Variants in ST6GALNAC2 observed in about 807,000 individuals in gnomAD.
ST6GALNAC2 encodes the protein ST6 N-acetylgalactosaminide alpha-2,6-sialyltransferase 2, also known as alpha-N-acetylgalactosaminide alpha-2,6-sialyltransferase 2.
Under a neutral mutation model 38.7 loss-of-function variants are expected in ST6GALNAC2, and 42 were observed. The ratio of observed to expected loss-of-function variants is 1.09; its 90% CI spans 0.85 to 1.40. The LOEUF (loss-of-function observed/expected upper bound fraction) is 1.40, where lower values mean the gene tolerates loss of function less well. Ranked by LOEUF, ST6GALNAC2 falls within the 40% of genes most tolerant of loss-of-function variation. The pLI is 0.00. For missense variants in ST6GALNAC2, 506 were observed against 481.7 expected (o/e 1.05, Z -0.47); for synonymous variants, 233 against 209.0 (o/e 1.11, Z -0.99).
In ST6GALNAC2 at chr17:76,573,322, C is replaced by A. The variant is rs1329913333; in HGVS notation, c.403G>T (p.Ala135Ser). ...TLSLLNGSESAKLFAPPRDTP... is the reference protein window; with the variant it reads ...TLSLLNGSESSKLFAPPRDTP... ...TCCCTGGGCGGGGCAAACAGCTTGGCACTCTCTGAGCCGTTCAGAAGGCTC... is the reference window on the plus strand; with the variant it reads ...TCCCTGGGCGGGGCAAACAGCTTGGAACTCTCTGAGCCGTTCAGAAGGCTC... The change falls in exon 4 of 9, where the codon GCC (alanine) becomes TCC (serine). Residue 135 changes from alanine to serine, a missense_variant. Ala to Ser is a moderately conservative substitution (Grantham distance 99). Coordinates refer to ENST00000225276, the MANE Select transcript of ST6GALNAC2 (RefSeq NM_006456.3). This position sits in a 1 kb window ranked among gnomAD's most constrained non-coding sequence, Gnocchi z 5.1. The A allele has an allele frequency of 3.8e-6, 6 of 1,583,288 alleles. No homozygotes were observed. Among genetic ancestry groups the A allele is most frequent in the Non-Finnish European group, 5.2e-6 (6 of 1,164,436 alleles).
intron 1 of ST6GALNAC2, chr17:76,579,079 C>T: frequency 4.0e-6 from 1 of 251,578 alleles, no homozygotes; most frequent in South Asian, 6.5e-5. Context: ...GCCACCACAC[C>T]CAGCTAATTT....
chr17:76,570,403 G>A, intron 6 of ST6GALNAC2, 162 bp downstream of exon 6: 1 of 606,256 alleles, frequency 1.6e-6, no homozygotes, highest in Non-Finnish European at 3.0e-6. Flanking sequence ...TCCCAGTGCT[G>A]TTATGTGAAT....
At chr17:76,568,896 T>C (rs2075318521) in intron 6 of ST6GALNAC2, 100 bp from the exon 7 acceptor site, 2 of 1,149,232 alleles carry the variant, frequency 1.7e-6, no homozygotes, top group Admixed American at 3.6e-5. Context: ...CGCGGTACCC[T>C]GAGCGGTAGG....
intron 5 of ST6GALNAC2, chr17:76,571,172 C>T (rs930987070): frequency 6.5e-6 from 1 of 154,244 alleles, no homozygotes; most frequent in African/African-American, 2.4e-5. Context: ...CAAAACCTCC[C>T]ACTAAGCTCC....
intron 1 of ST6GALNAC2, among the ~76,000 whole-genome samples, chr17:76,579,210 C>T (rs1252420334): frequency 5.9e-5 from 9 of 152,222 alleles, no homozygotes; most frequent in African/African-American, 9.6e-5. Flanking sequence ...TAAGCCACTG[C>T]GCCCAGCTCT....
At chr17:76,582,109 C>T (rs1041606352) in intron 1 of ST6GALNAC2, among the ~76,000 whole-genome samples, 1 of 151,140 alleles carries the variant, frequency 6.6e-6, no homozygotes, top group African/African-American at 2.4e-5. Flanking sequence ...TTGTGATCCA[C>T]CCGCCTCGGC....
chr17:76,567,035 C>T (rs2075292754), intron 8 of ST6GALNAC2, among the ~76,000 whole-genome samples: 1 of 152,196 alleles, frequency 6.6e-6, no homozygotes, highest in South Asian at 2.1e-4. Flanking sequence ...GGAGGCTAAA[C>T]CTGCTGCCCT....
Position 76,573,159 on chromosome 17 carries a change from T to TGCCACCCC in ST6GALNAC2, c.530+35_530+36insGGGGTGGC. The stretch of plus-strand genomic sequence containing the variant: ...GACACCCCCACCCTCCAGGCAACTC[T>TGCCACCCC]CCCTCCCGCCCCTCCCCAGCTCCTA... On this transcript the variant is annotated intron_variant, in intron 4 of 8. Coordinates refer to ENST00000225276, the MANE Select transcript of ST6GALNAC2 (RefSeq NM_006456.3). The surrounding 1 kb of genome is among the most constrained non-coding windows in gnomAD (Gnocchi z 5.1). The TGCCACCCC allele has an allele frequency of 6.5e-7, 1 of 1,530,324 alleles. No homozygotes were observed. Among genetic ancestry groups the TGCCACCCC allele is most frequent in the Non-Finnish European group, 8.9e-7 (1 of 1,120,832 alleles). 94.8% of individuals were successfully genotyped at this position (1,530,324 alleles called of 1,614,324 possible).
At chr17:76,579,419 C>A (rs1165337771) in intron 1 of ST6GALNAC2, among the ~76,000 whole-genome samples, 1 of 152,214 alleles carries the variant, frequency 6.6e-6, no homozygotes, top group Non-Finnish European at 1.5e-5. Context: ...GAACTGTGAC[C>A]ATCTGAAGGA....
chr17:76,580,633 T>A (rs1437139691), intron 1 of ST6GALNAC2, among the ~76,000 whole-genome samples: 1 of 151,154 alleles, frequency 6.6e-6, no homozygotes, highest in Non-Finnish European at 1.5e-5. Context: ...GGCAGGAGAA[T>A]GGCGTGAACC....
chr17:76,569,089 G>A, intron 6 of ST6GALNAC2: 1 of 109,642 alleles, frequency 9.1e-6, no homozygotes. Context: ...GTGGTGGGGG[G>A]GCGGGGGAAG....
intron 1 of ST6GALNAC2, among the ~76,000 whole-genome samples, chr17:76,585,201 G>A (rs2075530668): frequency 6.6e-6 from 1 of 152,224 alleles, no homozygotes; most frequent in African/African-American, 2.4e-5. Flanking sequence ...GACAGAGACC[G>A]CAGCGGGCGG....
intron 7 of ST6GALNAC2, chr17:76,568,422 T>TCG: frequency 2.1e-6 from 1 of 468,658 alleles, no homozygotes; most frequent in Non-Finnish European, 3.8e-6. Flanking sequence ...CCACTGCTGC[T>TCG]GTGCACCTTA....
chr17:76,573,159 T>TGCCCCC lies in ST6GALNAC2; in HGVS notation c.530+35_530+36insGGGGGC. 7.8e-6 allele frequency: 12 copies of TGCCCCC among 1,530,306 alleles called. No individual in the cohort carries two copies. Among genetic ancestry groups the TGCCCCC allele is most frequent in the Non-Finnish European group, 1.1e-5 (12 of 1,120,816 alleles). The allele number at this position is 1,530,306 out of a possible 1,614,324, so 94.8% of individuals were successfully genotyped here. A position where few individuals can be genotyped will look rare whatever the true frequency, so the allele number is the denominator to read the frequency against. ...GACACCCCCACCCTCCAGGCAACTC[T>TGCCCCC]CCCTCCCGCCCCTCCCCAGCTCCTA... is the stretch of plus-strand genomic sequence containing the variant. On this transcript the variant is annotated intron_variant, in intron 4 of 8. Coordinates refer to ENST00000225276, the MANE Select transcript of ST6GALNAC2 (RefSeq NM_006456.3). This position sits in a 1 kb window ranked among gnomAD's most constrained non-coding sequence, Gnocchi z 5.1.
chr17:76,576,650 T>C (rs1179586036), intron 2 of ST6GALNAC2, among the ~76,000 whole-genome samples: 1 of 152,016 alleles, frequency 6.6e-6, no homozygotes, highest in African/African-American at 2.4e-5. Context: ...TATGTTAACC[T>C]AGAGTTTTCA....
chr17:76,579,395 T>C (rs890645198), intron 1 of ST6GALNAC2, among the ~76,000 whole-genome samples: 1 of 152,190 alleles, frequency 6.6e-6, no homozygotes, highest in Non-Finnish European at 1.5e-5. Context: ...ATAGAAAAGA[T>C]TGCCAGCCAC....
chr17:76,578,576 A>G (rs2075442889), intron 2 of ST6GALNAC2, among the ~76,000 whole-genome samples, 180 bp downstream of exon 2: 1 of 152,174 alleles, frequency 6.6e-6, no homozygotes, highest in Admixed American at 6.5e-5. Flanking sequence ...TTGGGCCACA[A>G]GAAACCCTAT....
chr17:76,580,855 A>G (rs577907375), intron 1 of ST6GALNAC2: 1 of 152,304 alleles, frequency 6.6e-6, no homozygotes, highest in South Asian at 2.1e-4. Context: ...TGTCCCTTCT[A>G]GAGGGCAGTA....
intron 5 of ST6GALNAC2, chr17:76,570,914 C>A: frequency 4.4e-6 from 2 of 450,088 alleles, no homozygotes; most frequent in South Asian, 5.8e-5. Context: ...GACTCATGCA[C>A]AGGATTTTTC....
Sources: gnomAD v4.1 joint callset for allele counts (sites outside exome capture counted in the v4.1 genomes callset) on GRCh38, gnomAD v4.1.1 for gene constraint, Gnocchi (gnomAD v3.1) non-coding constraint, MANE v1.5 for transcripts, NCBI Gene and HGNC (gene_info 2026-07-23, HGNC 2026-07-21) for gene names.